The following MICAL3 variants were observed in gnomAD, a reference collection of about 807,000 sequenced individuals.
The protein encoded by MICAL3 is [F-actin]-monooxygenase MICAL3.
Under a neutral mutation model 207.4 loss-of-function variants are expected in MICAL3, and 62 were observed. The ratio of observed to expected loss-of-function variants is 0.30; its 90% CI spans 0.24 to 0.37. The LOEUF is 0.37. Among genes scored for constraint, MICAL3 ranks in the 10% least tolerant of loss-of-function variants. The pLI is 1.00. For synonymous variants in MICAL3, 1,077 were observed against 1,069.3 expected (o/e 1.01, Z -0.14); for missense variants, 2,368 against 2,635.6 (o/e 0.90, Z 2.22).
At chr22:17,953,203 T>C (rs186833306) in intron 1 of MICAL3, among the ~76,000 whole-genome samples, 3 of 152,292 alleles carry the variant, frequency 2.0e-5, no homozygotes, top group Admixed American at 2.0e-4. Context: ...GACAGTAACA[T>C]TCAGCCAAGC....
chr22:17,979,776 T>TA lies in MICAL3; in HGVS notation c.-75+44504dup, dbSNP rs1209362644. 4.4e-3 allele frequency among the ~76,000 whole-genome samples: 454 copies of TA among 104,086 alleles called. 4 individuals carry two copies. Among genetic ancestry groups the TA allele is most frequent in the Non-Finnish European group, 4.6e-3 (231 of 50,008 alleles). 68.3% of individuals were successfully genotyped at this position (104,086 alleles called of 152,430 possible). A position where few individuals can be genotyped will look rare whatever the true frequency, so the allele number is the denominator to read the frequency against. On this transcript the variant is annotated intron_variant, in intron 1 of 31. Transcript: ENST00000441493. Reference sequence around the variant, plus strand: ...TGCTATGAGGCTTTACTGGTGGATTTAAAAAAACAAAAAAAAACAAAAAAA... The same window carrying TA: ...TGCTATGAGGCTTTACTGGTGGATTTAAAAAAAACAAAAAAAAACAAAAAAA...
intron 17 of MICAL3, among the ~76,000 whole-genome samples, chr22:17,866,613 CAGAATAGAATAGAATAGAATAGAAT>C (rs60628065): frequency 1.5e-5 from 2 of 136,176 alleles, no homozygotes; most frequent in African/African-American, 5.7e-5. Flanking sequence ...TAGAACAGAA[CAGAATAGAATAGAATAGAATAGAAT>C]AGAATAGAAT....
intron 1 of MICAL3, among the ~76,000 whole-genome samples, chr22:18,020,384 C>T (rs900352635): frequency 1.3e-5 from 2 of 151,190 alleles, no homozygotes; most frequent in African/African-American, 4.9e-5. Flanking sequence ...AGTGCACTTC[C>T]ATTTTCAAAT....
At chr22:17,889,698 T>C (rs1464194176) in intron 12 of MICAL3, among the ~76,000 whole-genome samples, 1 of 152,130 alleles carries the variant, frequency 6.6e-6, no homozygotes, top group Non-Finnish European at 1.5e-5. Context: ...TCCTAGCTAC[T>C]TGGGAGGCTG....
rs998155680 is a variant in MICAL3 at position 17,914,857 on chromosome 22, C to T, written c.-74-7971G>A. Among the ~76,000 whole-genome samples the T allele has an allele frequency of 2.6e-5, 4 of 152,214 alleles. No homozygotes were observed. In the East Asian group the frequency reaches 7.7e-4, roughly 29 times the overall value. On this transcript the variant is annotated intron_variant, in intron 1 of 31. Coordinates refer to ENST00000441493, the MANE Select transcript of MICAL3 (RefSeq NM_015241.3). ...CGGCAGGCTCTTGCACCCCAGCCAT[C>T]AGCAACGCCTATGAGGAGTCAATGA...
At position 17,987,855 on chromosome 22, in the gene MICAL3, G is replaced by A. The variant is rs182120697; in HGVS notation, c.-75+36426C>T. 1.7e-4 allele frequency among the ~76,000 whole-genome samples: 26 copies of A among 152,304 alleles called. No homozygotes were observed. In the East Asian group the frequency reaches 5.0e-3, roughly 29 times the overall value. The stretch of plus-strand genomic sequence containing the variant: ...AATGATAAAGCAAATGGGGTCAAAC[G>A]ATCAAATCTAATAAATCCAGGTAAT... On this transcript the variant is annotated intron_variant, in intron 1 of 31. Coordinates refer to ENST00000441493, the MANE Select transcript of MICAL3 (RefSeq NM_015241.3).
intron 1 of MICAL3, among the ~76,000 whole-genome samples, chr22:17,948,544 G>T (rs1483465376): frequency 1.3e-5 from 2 of 152,110 alleles, no homozygotes; most frequent in African/African-American, 4.8e-5. Context: ...CAGAATCTTG[G>T]GCTCATCGTG....
chr22:17,877,420 TTA>T (rs1928855913), intron 16 of MICAL3, among the ~76,000 whole-genome samples: 1 of 103,306 alleles, frequency 9.7e-6, no homozygotes, highest in Non-Finnish European at 1.9e-5. Flanking sequence ...GTTATGGAGG[TTA>T]GGGAGATTAT....
chr22:17,959,407 C>G (rs548136096), intron 1 of MICAL3, among the ~76,000 whole-genome samples: 9,786 of 151,884 alleles, frequency 0.064, 661 homozygotes, highest in African/African-American at 0.17. Flanking sequence ...CTCTGACCCA[C>G]AGGTTCAAGC....
chr22:17,905,057 A>G (rs1446663897), intron 2 of MICAL3, among the ~76,000 whole-genome samples: 2 of 152,218 alleles, frequency 1.3e-5, no homozygotes, highest in African/African-American at 2.4e-5. Context: ...AGACAGAACC[A>G]TCAGTGCTAG....
chr22:17,876,493 C>G (rs1391196151), intron 16 of MICAL3: 2 of 152,388 alleles, frequency 1.3e-5, no homozygotes, highest in Admixed American at 6.5e-5. Flanking sequence ...GCTTGAGACA[C>G]TCAGCCAGCT....
chr22:17,834,313 G>A (rs943845774), intron 20 of MICAL3: 6 of 1,170,710 alleles, frequency 5.1e-6, no homozygotes, highest in Non-Finnish European at 5.4e-6. Flanking sequence ...GCTCAGGGTA[G>A]TGAATCAGCT....
At chr22:17,844,197 G>A (rs1924392282) in intron 19 of MICAL3, among the ~76,000 whole-genome samples, 1 of 152,184 alleles carries the variant, frequency 6.6e-6, no homozygotes, top group Non-Finnish European at 1.5e-5. Flanking sequence ...GCTGGAGGGA[G>A]CAGGTCATGA....
chr22:17,881,285 A>G, intron 16 of MICAL3: 1 of 1,609,356 alleles, frequency 6.2e-7, no homozygotes, highest in East Asian at 2.2e-5. Context: ...CAGGTCCGAG[A>G]ACACTCCTTT....
At chr22:17,950,475 G>C (rs1307349771) in intron 1 of MICAL3, among the ~76,000 whole-genome samples, 1 of 151,784 alleles carries the variant, frequency 6.6e-6, no homozygotes, top group Non-Finnish European at 1.5e-5. Flanking sequence ...AAGTAGCTGG[G>C]ACTACAGGTG....
At chr22:17,798,877 G>T (rs2061906709) in intron 29 of MICAL3, among the ~76,000 whole-genome samples, 1 of 151,806 alleles carries the variant, frequency 6.6e-6, no homozygotes, top group Admixed American at 6.6e-5. Context: ...GTTTCACCAT[G>T]TTAGCCAGGA....
chr22:17,795,025 C>T (rs191322704), intron 29 of MICAL3, among the ~76,000 whole-genome samples: 9 of 152,340 alleles, frequency 5.9e-5, no homozygotes, highest in Admixed American at 2.0e-4. Flanking sequence ...GGCCGCTCAG[C>T]GGTGCAGCTG....
At chr22:17,969,457 G>A (rs1935303888) in intron 1 of MICAL3, among the ~76,000 whole-genome samples, 1 of 152,246 alleles carries the variant, frequency 6.6e-6, no homozygotes, top group Admixed American at 6.5e-5. Context: ...GACAGGCGTT[G>A]TGGAATGACA....
chr22:17,872,789 T>C, intron 16 of MICAL3: 1 of 1,613,854 alleles, frequency 6.2e-7, no homozygotes, highest in Non-Finnish European at 8.5e-7. Context: ...GTTCTTTCCT[T>C]TGAAGCTGAT....
Sources: gnomAD v4.1 joint callset for allele counts (sites outside exome capture counted in the v4.1 genomes callset) on GRCh38, gnomAD v4.1.1 for gene constraint, MANE v1.5 for transcripts, NCBI Gene and HGNC (gene_info 2026-07-23, HGNC 2026-07-21) for gene names.